The following SLC2A13 variants were observed in gnomAD, a reference collection of about 807,000 sequenced individuals.
SLC2A13 encodes the protein proton myo-inositol cotransporter.
Under a neutral mutation model 64.4 loss-of-function variants are expected in SLC2A13, and 32 were observed. The observed-to-expected ratio is 0.50, with a 90% CI of 0.37 to 0.67. SLC2A13 has a LOEUF of 0.67. Ranked by LOEUF, SLC2A13 falls within the 30% of genes least tolerant of loss-of-function variation. SLC2A13 has a pLI of 0.00. For synonymous variants in SLC2A13, 338 were observed against 327.1 expected (o/e 1.03, Z -0.36); for missense variants, 743 against 829.2 (o/e 0.90, Z 1.28).
intron 2 of SLC2A13, among the ~76,000 whole-genome samples, chr12:40,043,117 T>G (rs1006080363): frequency 1.3e-5 from 2 of 151,108 alleles, no homozygotes; most frequent in Non-Finnish European, 3.0e-5. Context: ...AAGAATTTAA[T>G]TTTTTTTTCC....
intron 4 of SLC2A13, among the ~76,000 whole-genome samples, chr12:39,924,863 T>G (rs954410663): frequency 1.3e-5 from 2 of 152,064 alleles, no homozygotes; most frequent in Non-Finnish European, 2.9e-5. Context: ...AAAAGAAGTA[T>G]GAAGAATAAG....
chr12:39,948,097 A>G (rs1946169599), intron 4 of SLC2A13, among the ~76,000 whole-genome samples: 1 of 152,208 alleles, frequency 6.6e-6, no homozygotes, highest in East Asian at 1.9e-4. Flanking sequence ...TAGGAAAGTT[A>G]GTACTCCATT....
intron 6 of SLC2A13, among the ~76,000 whole-genome samples, chr12:39,840,320 G>A (rs1468750662): frequency 1.3e-5 from 2 of 151,834 alleles, no homozygotes; most frequent in South Asian, 4.2e-4. Context: ...TCTTCTAAAG[G>A]GGCCTGCTTC....
chr12:39,777,160 C>T (rs1308786433), intron 7 of SLC2A13, among the ~76,000 whole-genome samples: 1 of 152,188 alleles, frequency 6.6e-6, no homozygotes, highest in African/African-American at 2.4e-5. Context: ...GGTTCACTTT[C>T]CTTTCTTCCC....
chr12:40,004,602 T>C (rs1947380381), intron 3 of SLC2A13, among the ~76,000 whole-genome samples: 1 of 147,288 alleles, frequency 6.8e-6, no homozygotes, highest in African/African-American at 2.6e-5. Flanking sequence ...GGGCAATGAG[T>C]AAAGGACAGA....
chr12:40,044,019 T>C (rs1052105381), intron 2 of SLC2A13, among the ~76,000 whole-genome samples: 3 of 152,216 alleles, frequency 2.0e-5, no homozygotes, highest in African/African-American at 4.8e-5. Flanking sequence ...TAAACGCTTA[T>C]GTCTATCCTA....
intron 7 of SLC2A13, 29 bp from the exon 8 acceptor site, chr12:39,764,887 C>A (rs777147056): frequency 1.2e-6 from 2 of 1,600,344 alleles, no homozygotes; most frequent in Non-Finnish European, 1.7e-6. Context: ...TAAGTATTAA[C>A]TTAATGTTTT....
At chr12:39,811,056 G>A (rs1048821360) in intron 7 of SLC2A13, among the ~76,000 whole-genome samples, 3 of 151,884 alleles carry the variant, frequency 2.0e-5, no homozygotes, top group Non-Finnish European at 4.4e-5. Flanking sequence ...TTTCTTTGTG[G>A]GGAGATTTTT....
intron 7 of SLC2A13, among the ~76,000 whole-genome samples, chr12:39,798,727 A>T (rs544850800): frequency 6.6e-6 from 1 of 152,266 alleles, no homozygotes; most frequent in East Asian, 1.9e-4. Flanking sequence ...ACCTTCTGGG[A>T]CATTTCTCAT....
At chr12:39,819,348 T>C (rs1261420915) in intron 7 of SLC2A13, among the ~76,000 whole-genome samples, 2 of 152,208 alleles carry the variant, frequency 1.3e-5, no homozygotes, top group African/African-American at 4.8e-5. Flanking sequence ...TATAGGACCT[T>C]TGACATTATT....
intron 4 of SLC2A13, among the ~76,000 whole-genome samples, chr12:39,916,101 C>T (rs895067791): frequency 6.6e-6 from 1 of 151,674 alleles, no homozygotes; most frequent in Non-Finnish European, 1.5e-5. Flanking sequence ...TTTTAATAAC[C>T]AGCATCTTCA....
At chr12:40,020,185 G>C (rs1046564834) in intron 3 of SLC2A13, among the ~76,000 whole-genome samples, 1 of 152,134 alleles carries the variant, frequency 6.6e-6, no homozygotes, top group Non-Finnish European at 1.5e-5. Context: ...GCTGACATTT[G>C]AGAATAGGCA....
In SLC2A13 at chr12:39,764,446, A is replaced by AAAT. The variant is rs751450622; in HGVS notation, c.1720+11_1720+13dup. The AAAT allele has an allele frequency of 6.5e-7, 1 of 1,545,458 alleles. No homozygotes were observed. The highest frequency in any genetic ancestry group is 1.3e-5 in the South Asian group (1 of 79,426). On this transcript the variant is annotated intron_variant, in intron 9 of 9. Coordinates refer to ENST00000280871, the MANE Select transcript of SLC2A13 (RefSeq NM_052885.4). The stretch of plus-strand genomic sequence containing the variant: ...AATAAAAACAAAACTATGTTAGAAA[A>AAAT]AATATTATCTTACCATAGTATGTAA...
intron 1 of SLC2A13, among the ~76,000 whole-genome samples, chr12:40,056,075 T>G (rs1276692015): frequency 6.6e-6 from 1 of 151,654 alleles, no homozygotes; most frequent in African/African-American, 2.4e-5. Flanking sequence ...AAACCCTGGT[T>G]TGGCACCCTT....
At chr12:40,048,741 A>C (rs1031739056) in intron 1 of SLC2A13, among the ~76,000 whole-genome samples, 3 of 152,214 alleles carry the variant, frequency 2.0e-5, no homozygotes, top group African/African-American at 7.2e-5. Context: ...ACATTTCAGA[A>C]TAAAAGAGTT....
At chr12:39,889,529 C>CTTTT (rs56189217) in intron 4 of SLC2A13, among the ~76,000 whole-genome samples, 15 of 119,858 alleles carry the variant, frequency 1.3e-4, no homozygotes, top group Admixed American at 1.9e-4. Flanking sequence ...GGTAAACAAC[C>CTTTT]TTTTTTTTTT....
chr12:39,966,606 A>G (rs992474650), intron 3 of SLC2A13, among the ~76,000 whole-genome samples: 2 of 152,172 alleles, frequency 1.3e-5, no homozygotes, highest in African/African-American at 4.8e-5. Flanking sequence ...ATTTGCATCC[A>G]GTGACTGCTA....
At chr12:39,808,359 C>T (rs928815758) in intron 7 of SLC2A13, among the ~76,000 whole-genome samples, 1 of 151,730 alleles carries the variant, frequency 6.6e-6, no homozygotes, top group Non-Finnish European at 1.5e-5. Flanking sequence ...GTTGAAGTAA[C>T]ATCTACGTAA....
chr12:40,090,641 A>C (rs1938737052), intron 1 of SLC2A13, among the ~76,000 whole-genome samples: 1 of 152,218 alleles, frequency 6.6e-6, no homozygotes, highest in Non-Finnish European at 1.5e-5. Flanking sequence ...TTTTGAAAAT[A>C]ATCCAGACTC....
Sources: allele counts gnomAD v4.1 joint callset (sites outside exome capture counted in the v4.1 genomes callset), GRCh38; gene constraint gnomAD v4.1.1; transcripts MANE v1.5; gene names NCBI Gene and HGNC (gene_info 2026-07-23, HGNC 2026-07-21).